The following TLN2 variants were observed in gnomAD, a reference collection of about 807,000 sequenced individuals.
TLN2 encodes talin 2, also known as talin-2.
In TLN2, 118 loss-of-function variants were observed where a neutral mutation model predicts 294.7. That is an observed-to-expected ratio of 0.40 (90% CI 0.34 to 0.47). The LOEUF (loss-of-function observed/expected upper bound fraction) is 0.47, where lower values mean the gene tolerates loss of function less well. TLN2 is among the 20% of genes least tolerant of loss of function. The pLI, the probability that TLN2 is intolerant of heterozygous loss-of-function variation, is 0.84. For synonymous variants in TLN2, 1,431 were observed against 1,304.5 expected (o/e 1.10, Z -2.09); for missense variants, 3,083 against 3,282.2 (o/e 0.94, Z 1.48).
In TLN2 at chr15:62,614,879, C is replaced by T. The variant is rs190638485; in HGVS notation, c.-161-3472C>T. 1.6e-4 allele frequency among the ~76,000 whole-genome samples: 25 copies of T among 152,236 alleles called. No homozygotes were observed. The East Asian group carries it at 4.6e-3, about 28-fold the overall frequency. ...TCTGTGCAGTGGTGCCATCTTGGCT[C>T]ACTGCAACCCCCGCCTCCCAGGTTC... is the stretch of plus-strand genomic sequence containing the variant. On this transcript the variant is annotated intron_variant, in intron 2 of 58. Coordinates refer to ENST00000636159, the MANE Select transcript of TLN2 (RefSeq NM_015059.3).
intron 1 of TLN2, among the ~76,000 whole-genome samples, chr15:62,413,459 G>C (rs1013463302): frequency 9.2e-5 from 14 of 152,132 alleles, no homozygotes; most frequent in Non-Finnish European, 1.9e-4. Context: ...GATCAGGAAA[G>C]AAAAATCTCA....
intron 38 of TLN2, 100 bp from the exon 39 acceptor site, chr15:62,762,172 G>A (rs933212210): frequency 3.0e-6 from 4 of 1,334,568 alleles, no homozygotes; most frequent in Non-Finnish European, 4.2e-6. Context: ...CCTTCAAAGG[G>A]CAGAGGTGGT....
chr15:62,521,722 C>A (rs1408049313), intron 1 of TLN2, among the ~76,000 whole-genome samples: 2 of 152,062 alleles, frequency 1.3e-5, no homozygotes, highest in African/African-American at 4.8e-5. Flanking sequence ...CTCCTAGATC[C>A]TAGAAAGGCC....
chr15:62,570,749 A>G (rs896589567), intron 1 of TLN2, among the ~76,000 whole-genome samples: 1 of 152,216 alleles, frequency 6.6e-6, no homozygotes, highest in Non-Finnish European at 1.5e-5. Flanking sequence ...ACTCGGCCCC[A>G]GTGGTGGATA....
At chr15:62,541,331 G>C (rs949698693) in intron 1 of TLN2, among the ~76,000 whole-genome samples, 1 of 152,194 alleles carries the variant, frequency 6.6e-6, no homozygotes, top group East Asian at 1.9e-4. Flanking sequence ...ATTGGCCACT[G>C]TCTTGGCTGA....
intron 19 of TLN2, among the ~76,000 whole-genome samples, chr15:62,704,931 C>T (rs1275665777): frequency 3.3e-5 from 5 of 152,152 alleles, no homozygotes; most frequent in Admixed American, 6.5e-5. Context: ...ATTATCTTGA[C>T]GTAGTCATTT....
chr15:62,766,846 T>A (rs2141035436), intron 41 of TLN2, among the ~76,000 whole-genome samples: 1 of 152,334 alleles, frequency 6.6e-6, no homozygotes, highest in Non-Finnish European at 1.5e-5. Context: ...TAACATAGTG[T>A]CTACTCTTAG....
chr15:62,426,958 G>A (rs1039783521), intron 1 of TLN2, among the ~76,000 whole-genome samples: 18 of 152,128 alleles, frequency 1.2e-4, no homozygotes, highest in African/African-American at 1.9e-4. Flanking sequence ...CCACCCAGAC[G>A]GCCCCTCTCC....
At position 62,708,940 on chromosome 15, in the gene TLN2, C is replaced by T. The variant is rs547649740; in HGVS notation, c.2467+144C>T. ...TCTCAAAGACTTCCCCACTGAAGCTCAGAAAAAGATATAAGACTCTTCCAT... is the reference window on the plus strand; with the variant it reads ...TCTCAAAGACTTCCCCACTGAAGCTTAGAAAAAGATATAAGACTCTTCCAT... On this transcript the variant is annotated intron_variant, in intron 21 of 58. Transcript: ENST00000636159. The T allele has an allele frequency of 3.1e-6, 3 of 982,502 alleles. No individual in the cohort carries two copies. In the South Asian group the frequency reaches 5.2e-5, roughly 17 times the overall value. 60.9% of individuals were successfully genotyped at this position (982,502 alleles called of 1,614,324 possible).
intron 1 of TLN2, among the ~76,000 whole-genome samples, chr15:62,519,595 G>A (rs1262033892): frequency 1.3e-5 from 2 of 152,208 alleles, no homozygotes; most frequent in South Asian, 2.1e-4. Context: ...CTGATACAGG[G>A]TATGCCAGCT....
At chr15:62,425,167 G>C (rs1034191117) in intron 1 of TLN2, among the ~76,000 whole-genome samples, 11 of 152,060 alleles carry the variant, frequency 7.2e-5, no homozygotes, top group African/African-American at 2.7e-4. Flanking sequence ...TGGCCAGGCT[G>C]GTCTCGAACT....
At chr15:62,744,238 C>T (rs1314737399) in intron 32 of TLN2, among the ~76,000 whole-genome samples, 1 of 152,136 alleles carries the variant, frequency 6.6e-6, no homozygotes, top group African/African-American at 2.4e-5. Flanking sequence ...TACCTCTGGT[C>T]CCTTGCTCAG....
intron 32 of TLN2, among the ~76,000 whole-genome samples, chr15:62,745,067 C>A (rs762344655): frequency 6.6e-6 from 1 of 152,184 alleles, no homozygotes; most frequent in Non-Finnish European, 1.5e-5. Flanking sequence ...TCACACTCCA[C>A]CCCACTTCTG....
intron 12 of TLN2, among the ~76,000 whole-genome samples, chr15:62,692,270 C>T (rs753142964): frequency 2.0e-5 from 3 of 152,204 alleles, no homozygotes; most frequent in Non-Finnish European, 4.4e-5. Context: ...CTCTTTAAGC[C>T]ACTGGCTAGA....
chr15:62,568,085 T>C (rs901132824), intron 1 of TLN2, among the ~76,000 whole-genome samples: 5 of 152,218 alleles, frequency 3.3e-5, no homozygotes, highest in African/African-American at 9.7e-5. Context: ...TCCCTAATTA[T>C]TATTTAATTA....
chr15:62,740,611 G>T lies in TLN2; in HGVS notation c.3886-19G>T. The T allele has an allele frequency of 1.9e-6, 3 of 1,613,932 alleles. No individual in the cohort carries two copies. The highest frequency in any genetic ancestry group is 2.5e-6 in the Non-Finnish European group (3 of 1,179,946). ...AAATGGACAGGCCCTAATAGCTCCG[G>T]CTCCTTTTGACCTTCCAGACAAAAG... On this transcript the variant is annotated intron_variant, in intron 31 of 58. Transcript: ENST00000636159.
Position 62,800,661 on chromosome 15 carries a change from G to T in TLN2, c.6369G>T (p.Val2123=). Reference sequence around the variant, plus strand: ...TCTCCCTTCCTATGCAGGTGATGGTGACCAATGTCACCTCGCTCCTCAAGA... The same window carrying T: ...TCTCCCTTCCTATGCAGGTGATGGTTACCAATGTCACCTCGCTCCTCAAGA... ...YQLKGAAKVM[V]TNVTSLLKTV... is the part of the protein sequence containing the mutation. Residue 2123 remains valine (V), a synonymous_variant, in exon 50 of 59, where the codon GTG becomes GTT. Transcript: ENST00000636159. The T allele has an allele frequency of 6.2e-7, 1 of 1,614,154 alleles. No individual in the cohort carries two copies. Among genetic ancestry groups the T allele is most frequent in the South Asian group, 1.1e-5 (1 of 91,046 alleles).
At chr15:62,618,564 G>A (rs2048501826) in intron 3 of TLN2, 89 bp downstream of exon 3, 1 of 152,258 alleles carries the variant, frequency 6.6e-6, no homozygotes, top group South Asian at 2.1e-4. Context: ...CTGGGTACCA[G>A]CTAGGTACAC....
intron 3 of TLN2, among the ~76,000 whole-genome samples, chr15:62,641,745 AGAG>A (rs1303048409): frequency 5.9e-5 from 9 of 152,134 alleles, no homozygotes; most frequent in South Asian, 2.1e-4. Context: ...CCCATTTTGT[AGAG>A]GAGGAGACTG....
Sources: gnomAD v4.1 joint callset for allele counts (sites outside exome capture counted in the v4.1 genomes callset) on GRCh38, gnomAD v4.1.1 for gene constraint, MANE v1.5 for transcripts, NCBI Gene and HGNC (gene_info 2026-07-23, HGNC 2026-07-21) for gene names.